Variants in SHROOM3 observed in about 807,000 individuals in gnomAD.
SHROOM3 encodes protein Shroom3.
A neutral mutation model predicts 138.6 loss-of-function variants in SHROOM3; 47 were observed. The observed-to-expected ratio is 0.34, with a 90% CI of 0.27 to 0.43. The LOEUF (loss-of-function observed/expected upper bound fraction) is 0.43, where lower values mean the gene tolerates loss of function less well. Among genes scored for constraint, SHROOM3 ranks in the 20% least tolerant of loss-of-function variants. SHROOM3 has a pLI of 1.00. For synonymous variants in SHROOM3, 1,062 were observed against 1,063.3 expected (o/e 1.00, Z 0.02); for missense variants, 2,491 against 2,596.5 (o/e 0.96, Z 0.88).
At chr4:76,536,457 G>GAAA (rs1307599889) in intron 1 of SHROOM3, among the ~76,000 whole-genome samples, 3 of 152,170 alleles carry the variant, frequency 2.0e-5, no homozygotes, top group Non-Finnish European at 2.9e-5. Flanking sequence ...CATTCCCAGC[G>GAAA]AAATCTTAAC....
intron 6 of SHROOM3, among the ~76,000 whole-genome samples, chr4:76,753,709 CCT>C (rs1210529607): frequency 6.6e-6 from 1 of 152,178 alleles, no homozygotes; most frequent in Admixed American, 6.5e-5. Flanking sequence ...TTATTGCCAG[CCT>C]CTTTCTCCAG....
At chr4:76,625,654 A>G (rs549723163) in intron 2 of SHROOM3, among the ~76,000 whole-genome samples, 2 of 152,198 alleles carry the variant, frequency 1.3e-5, no homozygotes, top group East Asian at 1.9e-4. Flanking sequence ...TCACACTCCA[A>G]TCGCCGAGAA....
At chr4:76,439,012 G>A (rs1730616204) in intron 1 of SHROOM3, among the ~76,000 whole-genome samples, 1 of 152,132 alleles carries the variant, frequency 6.6e-6, no homozygotes, top group Non-Finnish European at 1.5e-5. Context: ...ACAAACTTAT[G>A]GCTTAAAAAC....
intron 2 of SHROOM3, among the ~76,000 whole-genome samples, chr4:76,595,299 AACGTCAGTTCCATTGCTCTGTCTGCAG>A (rs1416971901): frequency 6.6e-6 from 1 of 152,174 alleles, no homozygotes; most frequent in African/African-American, 2.4e-5. Flanking sequence ...GCTGACTTTG[AACGTCAGTTCCATTGCTCTGTCTGCAG>A]ACTGGCTTTC....
rs186438744 is a variant in SHROOM3, at chr4:76,541,310, A to G, written c.169-14299A>G. Among the ~76,000 whole-genome samples the G allele has an allele frequency of 6.6e-5, 10 of 152,256 alleles. No homozygotes were observed. The East Asian group carries it at 1.9e-3, about 29-fold the overall frequency. On this transcript the variant is annotated intron_variant, in intron 1 of 10. Coordinates refer to ENST00000296043, the MANE Select transcript of SHROOM3 (RefSeq NM_020859.4). ...TGGAATAAACGTGCTAAGATGGCTG[A>G]AATTATTTAAAGAATTAGGTAAAAT... is the stretch of plus-strand genomic sequence containing the variant.
At position 76,680,108 on chromosome 4, in the gene SHROOM3, G is replaced by A. The variant is rs116331997; in HGVS notation, c.324-30048G>A. Among the ~76,000 whole-genome samples, 173 of 151,814 alleles carry A rather than the reference G, an allele frequency of 1.1e-3. 1 individual carries two copies. Among genetic ancestry groups the A allele is most frequent in the African/African-American group, 4.0e-3 (167 of 41,386 alleles). On this transcript the variant is annotated intron_variant, in intron 2 of 10. Transcript: ENST00000296043. ...ACCAGAATCAGTTTTAAGCTGGTGA[G>A]GTTTTGTTGTTTGGATTGCAGCTTG...
At position 76,686,323 on chromosome 4, in the gene SHROOM3, T is replaced by C. The variant is rs1456079022; in HGVS notation, c.324-23833T>C. Among the ~76,000 whole-genome samples the C allele has an allele frequency of 1.3e-5, 2 of 152,174 alleles. 1 individual carries two copies. The highest frequency in any genetic ancestry group is 4.1e-4 in the South Asian group (2 of 4,820). On this transcript the variant is annotated intron_variant, in intron 2 of 10. Coordinates refer to ENST00000296043, the MANE Select transcript of SHROOM3 (RefSeq NM_020859.4). The stretch of plus-strand genomic sequence containing the variant: ...TCGTAGACTATTTCTAAGTGAAATT[T>C]AGTTGAATATTTTAAAGTATAACAT...
chr4:76,601,013 T>A (rs1734493847), intron 2 of SHROOM3, among the ~76,000 whole-genome samples: 1 of 152,210 alleles, frequency 6.6e-6, no homozygotes, highest in Non-Finnish European at 1.5e-5. Context: ...GGTGCAAAAG[T>A]AATTACAGTT....
intron 3 of SHROOM3, among the ~76,000 whole-genome samples, chr4:76,713,496 A>G (rs1215928627): frequency 6.6e-6 from 1 of 152,216 alleles, no homozygotes; most frequent in African/African-American, 2.4e-5. Flanking sequence ...GCTCTCCTGG[A>G]TAACACTGCC....
intron 1 of SHROOM3, among the ~76,000 whole-genome samples, chr4:76,551,166 C>T (rs193003639): frequency 1.2e-3 from 178 of 151,988 alleles, no homozygotes; most frequent in African/African-American, 4.0e-3. Flanking sequence ...CCACCACATC[C>T]GGCTAATTCT....
chr4:76,661,712 A>G (rs543543303), intron 2 of SHROOM3, among the ~76,000 whole-genome samples: 2 of 152,308 alleles, frequency 1.3e-5, no homozygotes, highest in Admixed American at 6.5e-5. Flanking sequence ...TTGTCACTCA[A>G]TGTAAGGTTT....
chr4:76,553,465 G>A (rs759951662), intron 1 of SHROOM3, among the ~76,000 whole-genome samples: 1 of 151,704 alleles, frequency 6.6e-6, no homozygotes, highest in Non-Finnish European at 1.5e-5. Context: ...TAGTAGAGAC[G>A]GGGTTTCACC....
chr4:76,502,162 A>G (rs879616411), intron 1 of SHROOM3, among the ~76,000 whole-genome samples: 2 of 152,198 alleles, frequency 1.3e-5, no homozygotes, highest in African/African-American at 4.8e-5. Context: ...GACTCTCCAG[A>G]GTCCCCGCCA....
chr4:76,643,360 A>G (rs1306400762), intron 2 of SHROOM3, among the ~76,000 whole-genome samples: 1 of 152,172 alleles, frequency 6.6e-6, no homozygotes, highest in African/African-American at 2.4e-5. Flanking sequence ...CACTTGACAG[A>G]TAAACTGAGG....
At chr4:76,625,735 T>C (rs1312500077) in intron 2 of SHROOM3, among the ~76,000 whole-genome samples, 1 of 152,188 alleles carries the variant, frequency 6.6e-6, no homozygotes, top group Non-Finnish European at 1.5e-5. Flanking sequence ...CTAGAAGGCT[T>C]ATCCTCCCCT....
At chr4:76,768,977 T>C (rs1187502214) in intron 9 of SHROOM3, among the ~76,000 whole-genome samples, 1 of 152,218 alleles carries the variant, frequency 6.6e-6, no homozygotes, top group Admixed American at 6.5e-5. Flanking sequence ...AGGCAGATTG[T>C]GGAGAAATAA....
chr4:76,766,548 C>T (rs538373304), intron 9 of SHROOM3, among the ~76,000 whole-genome samples: 1 of 152,292 alleles, frequency 6.6e-6, no homozygotes, highest in East Asian at 1.9e-4. Flanking sequence ...TAAATGATTT[C>T]ACAAATTAAG....
At chr4:76,458,251 G>C (rs1731072634) in intron 1 of SHROOM3, among the ~76,000 whole-genome samples, 1 of 152,166 alleles carries the variant, frequency 6.6e-6, no homozygotes, top group Non-Finnish European at 1.5e-5. Flanking sequence ...TACAATCCCA[G>C]TTTTATTTAC....
chr4:76,658,369 G>A (rs1211723493), intron 2 of SHROOM3, among the ~76,000 whole-genome samples: 1 of 152,184 alleles, frequency 6.6e-6, no homozygotes, highest in Non-Finnish European at 1.5e-5. Flanking sequence ...GTGAGAGATT[G>A]AGCAATGAGT....
Sources: gnomAD v4.1 joint callset for allele counts (sites outside exome capture counted in the v4.1 genomes callset) on GRCh38, gnomAD v4.1.1 for gene constraint, MANE v1.5 for transcripts, NCBI Gene and HGNC (gene_info 2026-07-23, HGNC 2026-07-21) for gene names.